DOP1B: variants seen among roughly 807,000 people sequenced by gnomAD.
DOP1B encodes the protein DOP1 leucine zipper like protein B, also known as protein DOP1B.
Under a neutral mutation model 233.5 loss-of-function variants are expected in DOP1B, and 174 were observed. That is an observed-to-expected ratio of 0.75 (90% CI 0.66 to 0.85). The LOEUF is 0.85. DOP1B is among the 40% of genes least tolerant of loss of function. The probability of loss-of-function intolerance (pLI) is 0.00; values close to 1 mark genes in which losing one functional copy is unlikely to be tolerated. For missense variants in DOP1B, 2,652 were observed against 2,846.6 expected, an observed-to-expected ratio of 0.93 and a Z score of 1.56; for synonymous variants, 1,190 against 1,185.6, an observed-to-expected ratio of 1.00 and a Z score of -0.08.
chr21:36,180,830 G>A (rs971536198), intron 2 of DOP1B, among the ~76,000 whole-genome samples: 8 of 151,642 alleles, frequency 5.3e-5, no homozygotes, highest in African/African-American at 1.2e-4. Context: ...GCAATGAGCC[G>A]AGATTATGCC....
chr21:36,240,997 G>A (rs769043590), intron 18 of DOP1B, among the ~76,000 whole-genome samples: 1 of 152,160 alleles, frequency 6.6e-6, no homozygotes, highest in Non-Finnish European at 1.5e-5. Flanking sequence ...GCAAGACAAG[G>A]GTTAAAAAGT....
rs1289724755 is a variant in DOP1B at position 36,214,033 on chromosome 21, C to T, written c.905-48C>T. 2.8e-6 allele frequency: 4 copies of T among 1,444,662 alleles called. No homozygotes were observed. In the African/African-American group the frequency reaches 5.7e-5, roughly 21 times the overall value. The allele number at this position is 1,444,662 out of a possible 1,614,324, so 89.5% of individuals were successfully genotyped here. Reference sequence around the variant, plus strand: ...TGAGACTTTTGCACAATATGATGTCCTTTAAAAGCACAGCTCTCTTTACAG... The same window carrying T: ...TGAGACTTTTGCACAATATGATGTCTTTTAAAAGCACAGCTCTCTTTACAG... On this transcript the variant is annotated intron_variant, in intron 7 of 36. Transcript: ENST00000691173.
chr21:36,181,341 C>T lies in DOP1B; in HGVS notation c.138+16470C>T, dbSNP rs181625286. 2.9e-3 allele frequency among the ~76,000 whole-genome samples: 434 copies of T among 151,922 alleles called. 2 individuals carry two copies. Among genetic ancestry groups the T allele is most frequent in the Middle Eastern group, 0.014 (4 of 292 alleles). On this transcript the variant is annotated intron_variant, in intron 2 of 36. Transcript: ENST00000691173. The stretch of plus-strand genomic sequence containing the variant: ...TCAGTCAGGCTAGAGTGCAGTGGCA[C>T]GATCTTGGCTCACTGCAACCTCCGT...
At chr21:36,278,478 C>T (rs1288673002) in intron 30 of DOP1B, 123 bp downstream of exon 30, 22 of 1,008,544 alleles carry the variant, frequency 2.2e-5, no homozygotes, top group South Asian at 3.3e-5. Flanking sequence ...AATAACAGGA[C>T]GTCCCTGTCA....
intron 18 of DOP1B, among the ~76,000 whole-genome samples, chr21:36,243,667 AT>A (rs10652120): frequency 6.1e-5 from 9 of 148,698 alleles, no homozygotes; most frequent in South Asian, 2.1e-4. Flanking sequence ...CTGCTGCTTG[AT>A]TTTTTTTTTC....
chr21:36,197,384 G>A (rs1028046705), intron 2 of DOP1B, among the ~76,000 whole-genome samples: 1 of 152,142 alleles, frequency 6.6e-6, no homozygotes, highest in Non-Finnish European at 1.5e-5. Context: ...TAGTGTTTGC[G>A]TACAAGAGGA....
intron 9 of DOP1B, among the ~76,000 whole-genome samples, chr21:36,218,582 A>G (rs1474673532): frequency 6.6e-6 from 1 of 152,228 alleles, no homozygotes; most frequent in Non-Finnish European, 1.5e-5. Context: ...TAGCATGAAA[A>G]TAATTCTCTC....
At chr21:36,251,785 G>A (rs2067035331) in intron 22 of DOP1B, among the ~76,000 whole-genome samples, 1 of 152,136 alleles carries the variant, frequency 6.6e-6, no homozygotes, top group Non-Finnish European at 1.5e-5. Context: ...AATGTGTATT[G>A]GGCAGGTAGG....
Position 36,289,070 on chromosome 21 carries a change from A to G in DOP1B, c.6379A>G (p.Lys2127Glu), listed in dbSNP as rs760648774. The G allele has an allele frequency of 8.1e-6, 13 of 1,612,394 alleles. No individual in the cohort carries two copies. The highest frequency in any genetic ancestry group is 1.1e-5 in the Non-Finnish European group (13 of 1,179,722). The change falls in exon 35 of 37, where the codon AAA becomes GAA. Residue 2127 changes from lysine (K) to glutamate (E), a missense_variant. By Grantham distance (56) the Lys-to-Glu change is moderately conservative. Around this residue, in one of 3 missense-constraint regions of DOP1B, gnomAD observed 2,617 missense variants for 2,794.3 expected, o/e 0.94. Transcript: ENST00000691173. The part of the protein sequence containing the change: ...LRSTNKVNRT[K>E]VSVPDANGPS... ...AAGCACCAACAAAGTAAACAGAACGAAAGTTTCAGTCCCGGATGCAAATGG... is the reference window on the plus strand; with the variant it reads ...AAGCACCAACAAAGTAAACAGAACGGAAGTTTCAGTCCCGGATGCAAATGG...
chr21:36,178,359 T>G (rs1711972062), intron 2 of DOP1B, among the ~76,000 whole-genome samples: 1 of 151,280 alleles, frequency 6.6e-6, no homozygotes. Flanking sequence ...ATTAGCCTGG[T>G]GTGGTAGCAT....
chr21:36,219,268 C>T (rs1601420970), intron 9 of DOP1B, 104 bp from the exon 10 acceptor site: 8 of 1,407,298 alleles, frequency 5.7e-6, no homozygotes, highest in South Asian at 2.8e-5. Flanking sequence ...AAATGTCTGT[C>T]TGCACAGGTT....
At chr21:36,263,900 A>G in intron 26 of DOP1B, 86 bp downstream of exon 26, 1 of 1,290,890 alleles carries the variant, frequency 7.7e-7, no homozygotes, top group Non-Finnish European at 1.1e-6. Flanking sequence ...CAGGTAGACA[A>G]GAGACATTGG....
chr21:36,278,067 A>C lies in DOP1B; in HGVS notation c.5805A>C (p.Pro1935=), dbSNP rs1438944796. 1 of 1,614,118 alleles carries C rather than the reference A, an allele frequency of 6.2e-7. No homozygotes were observed. The highest frequency in any genetic ancestry group is 8.5e-7 in the Non-Finnish European group (1 of 1,179,992). The stretch of plus-strand genomic sequence containing the variant: ...CCCGTCTGCTTTACTATGTTTTTCC[A>C]TACTTACGCAACCACAGGTAACGTC... The part of the protein sequence containing the change: ...LISRLLYYVF[P]YLRNHSAYNA... Residue 1935 remains proline, a synonymous_variant, in exon 29 of 37, where the codon CCA becomes CCC. Coordinates refer to ENST00000691173, the MANE Select transcript of DOP1B (RefSeq NM_001320714.2).
At chr21:36,181,005 T>C (rs1180649680) in intron 2 of DOP1B, among the ~76,000 whole-genome samples, 2 of 152,258 alleles carry the variant, frequency 1.3e-5, no homozygotes, top group Admixed American at 6.5e-5. Flanking sequence ...ATGGGATTAT[T>C]TTCCTCAGGT....
rs186890640 is a variant in DOP1B, at chr21:36,188,693, C to T, written c.139-10377C>T. On this transcript the variant is annotated intron_variant, in intron 2 of 36. Transcript: ENST00000691173. ...TTTCACCGTGAAAAATGCAACTCCT[C>T]GTTTGCTTGGTGGGAGACGTGCTTT... 2.9e-3 allele frequency among the ~76,000 whole-genome samples: 441 copies of T among 152,282 alleles called. 4 individuals are homozygous for T. Among genetic ancestry groups the T allele is most frequent in the Non-Finnish European group, 3.0e-3 (206 of 68,026 alleles).
intron 2 of DOP1B, among the ~76,000 whole-genome samples, chr21:36,165,242 G>A (rs1444479657): frequency 6.6e-6 from 1 of 152,068 alleles, no homozygotes; most frequent in Non-Finnish European, 1.5e-5. Flanking sequence ...ATTTAAAATG[G>A]TCAAATTAGG....
chr21:36,161,491 T>G (rs9983513), intron 1 of DOP1B, among the ~76,000 whole-genome samples: 113,384 of 151,594 alleles, frequency 0.75, 42,681 homozygotes, highest in East Asian at 0.83. Context: ...CTCATAAAAT[T>G]CATTCAAGTG....
intron 9 of DOP1B, among the ~76,000 whole-genome samples, chr21:36,215,021 C>T (rs902687846): frequency 2.0e-5 from 3 of 151,986 alleles, no homozygotes; most frequent in Non-Finnish European, 2.9e-5. Flanking sequence ...CCAGCCTGGG[C>T]GACAGAGTGA....
chr21:36,178,626 T>C (rs1347215941), intron 2 of DOP1B, among the ~76,000 whole-genome samples: 1 of 152,306 alleles, frequency 6.6e-6, no homozygotes, highest in East Asian at 1.9e-4. Flanking sequence ...CTCTGTGGTA[T>C]TTTGTTATGG....
Sources: allele counts gnomAD v4.1 joint callset (sites outside exome capture counted in the v4.1 genomes callset), GRCh38; gene constraint gnomAD v4.1.1; regional missense constraint gnomAD v4.1.1; transcripts MANE v1.5; gene names NCBI Gene and HGNC (gene_info 2026-07-23, HGNC 2026-07-21).